Variants in CKS2 observed in about 807,000 individuals in gnomAD.
The protein encoded by CKS2 is CDC28 protein kinase regulatory subunit 2.
In CKS2, 4 loss-of-function variants were observed where a neutral mutation model predicts 14.3. The observed-to-expected ratio is 0.28, with a 90% CI of 0.14 to 0.64. The LOEUF is 0.64. CKS2 is among the 30% of genes least tolerant of loss of function. The pLI, the probability that CKS2 is intolerant of heterozygous loss-of-function variation, is 0.83. For missense variants in CKS2, 71 were observed against 94.3 expected, an observed-to-expected ratio of 0.75 and a Z score of 1.02; for synonymous variants, 33 against 28.7, an observed-to-expected ratio of 1.15 and a Z score of -0.48.
At chr9:89,311,998 G>T (rs958279088) in intron 1 of CKS2, among the ~76,000 whole-genome samples, 1 of 152,046 alleles carries the variant, frequency 6.6e-6, no homozygotes, top group African/African-American at 2.4e-5. Context: ...ATTCGAAAAT[G>T]TTTACTGGGT....
chr9:89,315,119 G>A (rs192869427), intron 1 of CKS2, 51 bp from the exon 2 acceptor site: 53 of 1,520,702 alleles, frequency 3.5e-5, no homozygotes, highest in Middle Eastern at 2.5e-4. Flanking sequence ...TGTATAAAGC[G>A]ACAGTTGTAG....
In CKS2 at chr9:89,311,232, G is replaced by GT. The variant is rs1824597391; in HGVS notation, c.-57dup. The GT allele has an allele frequency of 1.4e-5, 21 of 1,458,588 alleles. No homozygotes were observed. The highest frequency in any genetic ancestry group is 1.9e-5 in the Non-Finnish European group (20 of 1,046,580). 90.4% of individuals were successfully genotyped at this position (1,458,588 alleles called of 1,614,324 possible). ...CGAGTTGTTGCCTGGGCTGGACGTG[G>GT]TTTTGTCTGCTGCGCCCGCTCTTCG... On this transcript the variant is annotated 5_prime_UTR_variant, in exon 1 of 3. Transcript: ENST00000314355.
intron 1 of CKS2, among the ~76,000 whole-genome samples, chr9:89,311,779 G>A (rs1334018550): frequency 6.6e-6 from 1 of 152,204 alleles, no homozygotes; most frequent in Non-Finnish European, 1.5e-5. Context: ...AAACCCACCT[G>A]GTGCCGTCCT....
At chr9:89,311,673 G>A (rs977805495) in intron 1 of CKS2, among the ~76,000 whole-genome samples, 11 of 152,368 alleles carry the variant, frequency 7.2e-5, no homozygotes, top group African/African-American at 2.6e-4. Context: ...CGGCGACGCG[G>A]AGTGACCATC....
intron 1 of CKS2, among the ~76,000 whole-genome samples, chr9:89,311,815 T>G (rs1162007384): frequency 6.6e-6 from 1 of 152,240 alleles, no homozygotes; most frequent in Non-Finnish European, 1.5e-5. Context: ...CGTGACACAC[T>G]TTCCCTGTCG....
chr9:89,312,863 C>T (rs1469580493), intron 1 of CKS2, among the ~76,000 whole-genome samples: 2 of 152,066 alleles, frequency 1.3e-5, no homozygotes, highest in Admixed American at 6.6e-5. Flanking sequence ...CATCTGGTGC[C>T]AAGTGTTTAG....
intron 1 of CKS2, 128 bp from the exon 2 acceptor site, chr9:89,315,042 C>T: frequency 1.5e-6 from 1 of 663,664 alleles, no homozygotes; most frequent in South Asian, 3.4e-5. Flanking sequence ...CATAGGCCAT[C>T]ATATCAGAAT....
At chr9:89,316,349 A>G (rs1824711851) in intron 2 of CKS2, 24 bp from the exon 3 acceptor site, 1 of 1,474,086 alleles carries the variant, frequency 6.8e-7, no homozygotes. Flanking sequence ...TATTAAAATG[A>G]TTCAAAACAT....
At chr9:89,315,049 G>A (rs1295875267) in intron 1 of CKS2, 121 bp from the exon 2 acceptor site, 2 of 751,260 alleles carry the variant, frequency 2.7e-6, no homozygotes, top group African/African-American at 1.8e-5. Flanking sequence ...CATCATATCA[G>A]AATTAAAGGT....
At chr9:89,311,453 G>A (rs962493643) in intron 1 of CKS2, 102 bp downstream of exon 1, 2 of 813,100 alleles carry the variant, frequency 2.5e-6, no homozygotes, top group East Asian at 6.9e-5. Context: ...CCGGGGCCTG[G>A]GGGGCGGAGC....
At position 89,315,307 on chromosome 9, in the gene CKS2, G is replaced by C. The variant is rs770895552; in HGVS notation, c.187+10G>C. ...ATGATTCATGAGCCAGGTAAGCTAT[G>C]CTATGTTATAGTAAAGCAGTAATTG... On this transcript the variant is annotated intron_variant, in intron 2 of 2. Coordinates refer to ENST00000314355, the MANE Select transcript of CKS2 (RefSeq NM_001827.3). 6.3e-7 allele frequency: 1 copy of C among 1,575,576 alleles called. No individual in the cohort carries two copies. Among genetic ancestry groups the C allele is most frequent in the Non-Finnish European group, 8.6e-7 (1 of 1,159,732 alleles).
intron 1 of CKS2, among the ~76,000 whole-genome samples, chr9:89,311,635 C>G (rs1824611227): frequency 1.3e-5 from 2 of 152,208 alleles, no homozygotes; most frequent in African/African-American, 4.8e-5. Context: ...GGGTAGGAAC[C>G]GGCGCAACTT....
Position 89,311,328 on chromosome 9 carries a change from C to T in CKS2, c.36C>T (p.Tyr12=). 1 of 1,610,816 alleles carries T rather than the reference C, an allele frequency of 6.2e-7. No homozygotes were observed. The highest frequency in any genetic ancestry group is 2.3e-5 in the East Asian group (1 of 44,212). The change falls in exon 1 of 3, where the codon TAC becomes TAT. Residue 12 remains tyrosine (Y), a synonymous_variant. Coordinates refer to ENST00000314355, the MANE Select transcript of CKS2 (RefSeq NM_001827.3). ...AHKQIYYSDK[Y]FDEHYEYRHV... ...AGCAGATCTACTACTCGGACAAGTA[C>T]TTCGACGAACACTACGAGTACCGGT...
rs1028272809 is a variant in CKS2 at position 89,311,224 on chromosome 9, T to A, written c.-69T>A. 3 of 1,325,004 alleles carry A rather than the reference T, an allele frequency of 2.3e-6. No homozygotes were observed. Among genetic ancestry groups the A allele is most frequent in the Non-Finnish European group, 3.2e-6 (3 of 927,722 alleles). The allele number at this position is 1,325,004 out of a possible 1,614,324, so 82.1% of individuals were successfully genotyped here. ...GTCTCCGGCGAGTTGTTGCCTGGGCTGGACGTGGTTTTGTCTGCTGCGCCC... is the reference window on the plus strand; with the variant it reads ...GTCTCCGGCGAGTTGTTGCCTGGGCAGGACGTGGTTTTGTCTGCTGCGCCC... On this transcript the variant is annotated 5_prime_UTR_variant, in exon 1 of 3. Coordinates refer to ENST00000314355, the MANE Select transcript of CKS2 (RefSeq NM_001827.3).
intron 1 of CKS2, among the ~76,000 whole-genome samples, chr9:89,312,582 T>C (rs1057196273): frequency 4.6e-5 from 7 of 152,184 alleles, no homozygotes; most frequent in Non-Finnish European, 1.0e-4. Flanking sequence ...TGGAAGTCTG[T>C]TTTCACATGA....
In CKS2 at chr9:89,311,222, G is replaced by C. The variant is rs533019243; in HGVS notation, c.-71G>C. On this transcript the variant is annotated 5_prime_UTR_variant, in exon 1 of 3. Coordinates refer to ENST00000314355, the MANE Select transcript of CKS2 (RefSeq NM_001827.3). ...TAGTCTCCGGCGAGTTGTTGCCTGG[G>C]CTGGACGTGGTTTTGTCTGCTGCGC... 6.9e-6 allele frequency: 9 copies of C among 1,304,112 alleles called. No individual in the cohort carries two copies. The East Asian group carries it at 7.3e-5, about 11-fold the overall frequency. 80.8% of individuals were successfully genotyped at this position (1,304,112 alleles called of 1,614,324 possible).
At chr9:89,312,832 C>T (rs1039774421) in intron 1 of CKS2, among the ~76,000 whole-genome samples, 2 of 152,092 alleles carry the variant, frequency 1.3e-5, no homozygotes, top group African/African-American at 4.8e-5. Context: ...TTACTAAAAC[C>T]TAGAAAATTA....
intron 2 of CKS2, among the ~76,000 whole-genome samples, chr9:89,315,763 G>A (rs1238815888): frequency 1.3e-5 from 2 of 152,116 alleles, no homozygotes; most frequent in Middle Eastern, 6.9e-3. Flanking sequence ...GCTATTATGT[G>A]GTATTAACCA....
chr9:89,315,448 T>G, intron 2 of CKS2, 151 bp downstream of exon 2: 2 of 489,924 alleles, frequency 4.1e-6, no homozygotes, highest in Non-Finnish European at 6.5e-6. Context: ...TTCTTGACTC[T>G]GGAGAGAGTT....
Sources: allele counts gnomAD v4.1 joint callset (sites outside exome capture counted in the v4.1 genomes callset), GRCh38; gene constraint gnomAD v4.1.1; transcripts MANE v1.5; gene names NCBI Gene and HGNC (gene_info 2026-07-23, HGNC 2026-07-21).